The following GFI1B variants were observed in gnomAD, a reference collection of about 807,000 sequenced individuals.
GFI1B encodes the protein growth factor independent 1B transcriptional repressor, also known as zinc finger protein Gfi-1b.
GFI1B carries 20 observed loss-of-function variants against 35.3 expected under a neutral mutation model. The observed-to-expected ratio is 0.57, with a 90% confidence interval of 0.40 to 0.82. GFI1B has a LOEUF of 0.82. GFI1B is among the 40% of genes least tolerant of loss of function. GFI1B has a pLI of 0.00. For missense variants in GFI1B, 430 were observed against 446.3 expected, an observed-to-expected ratio of 0.96 and a Z score of 0.33; for synonymous variants, 178 against 177.6, an observed-to-expected ratio of 1.00 and a Z score of -0.02.
intron 1 of GFI1B, among the ~76,000 whole-genome samples, chr9:132,985,001 T>A (rs1224840685): frequency 6.6e-6 from 1 of 151,122 alleles, no homozygotes; most frequent in Non-Finnish European, 1.5e-5. Context: ...CTGAAGCAGC[T>A]GTGATCCCTC....
chr9:132,956,730 G>T (rs1025013789), intron 1 of GFI1B, among the ~76,000 whole-genome samples: 5 of 152,208 alleles, frequency 3.3e-5, no homozygotes, highest in African/African-American at 4.8e-5. Context: ...TAGAAACATA[G>T]AATTGGAACA....
chr9:132,982,784 G>A (rs1268309071), intron 1 of GFI1B, among the ~76,000 whole-genome samples: 2 of 152,140 alleles, frequency 1.3e-5, no homozygotes, highest in African/African-American at 4.8e-5. Flanking sequence ...AGAGGGCTTG[G>A]CCGTGGCGTT....
At chr9:132,983,459 T>C (rs773211011) in intron 1 of GFI1B, among the ~76,000 whole-genome samples, 1 of 152,170 alleles carries the variant, frequency 6.6e-6, no homozygotes, top group East Asian at 1.9e-4. Flanking sequence ...CCTCCCAAAA[T>C]GTTGGGATTA....
In GFI1B at chr9:132,987,394, C is replaced by A. The variant is rs1198382316; in HGVS notation, c.213C>A (p.Asn71Lys). The A allele has an allele frequency of 6.2e-7, 1 of 1,614,280 alleles. No homozygotes were observed. Among genetic ancestry groups the A allele is most frequent in the Non-Finnish European group, 8.5e-7 (1 of 1,180,046 alleles). ...KREPELEQDQ[N>K]LARMAPAPEG... is the part of the protein sequence containing the mutation. ...AGCCGGAGCTGGAGCAGGACCAGAA[C>A]TTGGCCAGGATGGCCCCGGCACCAG... is the stretch of plus-strand genomic sequence containing the variant. Residue 71 changes from asparagine (N) to lysine (K), a missense_variant, in exon 3 of 7, where the codon AAC becomes AAA. Physicochemically the swap from Asn to Lys is moderately conservative, Grantham distance 94 (BLOSUM62 0). Coordinates refer to ENST00000372122, the MANE Select transcript of GFI1B (RefSeq NM_001377304.1).
chr9:132,985,563 C>T (rs958104876), intron 1 of GFI1B, among the ~76,000 whole-genome samples: 2 of 152,176 alleles, frequency 1.3e-5, no homozygotes, highest in Admixed American at 1.3e-4. Flanking sequence ...AGACTCTGGG[C>T]CAGGGCTGTG....
chr9:132,949,218 A>C (rs1347817059), intron 1 of GFI1B, among the ~76,000 whole-genome samples: 2 of 151,434 alleles, frequency 1.3e-5, no homozygotes, highest in Non-Finnish European at 2.9e-5. Context: ...TTCTTAGAGA[A>C]TCTATCTTCA....
rs45526934 is a variant in GFI1B at position 132,978,745 on chromosome 9, C to A, written c.-117C>A. ...AAGTATCTATTTGTGCAAAGAGTCA[C>A]ACAGTTGACAGAGTGGAGGCCAGTC... On this transcript the variant is annotated 5_prime_UTR_variant, in exon 1 of 7. Transcript: ENST00000372122. 1,101 of 152,384 alleles carry A rather than the reference C, an allele frequency of 7.2e-3. 5 individuals carry two copies. The highest frequency in any genetic ancestry group is 0.012 in the Admixed American group (178 of 15,300). The allele number at this position is 152,384 out of a possible 1,614,324, so 9.4% of individuals were successfully genotyped here. A position where few individuals can be genotyped will look rare whatever the true frequency, so the allele number is the denominator to read the frequency against.
chr9:132,952,124 T>C (rs1256072454), intron 1 of GFI1B: 1 of 152,128 alleles, frequency 6.6e-6, no homozygotes, highest in Non-Finnish European at 1.5e-5. Context: ...TATTATTTTG[T>C]GTGTTTTTTT....
chr9:132,957,762 C>T (rs1320253422), intron 1 of GFI1B, among the ~76,000 whole-genome samples: 1 of 151,884 alleles, frequency 6.6e-6, no homozygotes, highest in Non-Finnish European at 1.5e-5. Context: ...AGCAGGAACA[C>T]GTGTAATAAT....
chr9:132,982,768 TG>T (rs1848873893), intron 1 of GFI1B, among the ~76,000 whole-genome samples: 1 of 151,658 alleles, frequency 6.6e-6, no homozygotes, highest in Non-Finnish European at 1.5e-5. Context: ...GGCCCCTCTG[TG>T]AGCCAGAGGG....
chr9:132,953,315 A>T (rs932971461), intron 1 of GFI1B: 2 of 152,340 alleles, frequency 1.3e-5, no homozygotes, highest in East Asian at 3.9e-4. Context: ...ATCTATATTC[A>T]GTGGCTACTA....
chr9:132,955,662 T>C (rs1848270612), intron 1 of GFI1B, among the ~76,000 whole-genome samples: 1 of 152,200 alleles, frequency 6.6e-6, no homozygotes, highest in Non-Finnish European at 1.5e-5. Flanking sequence ...AAATTTATGG[T>C]AATTCTTACC....
At chr9:132,990,048 C>A in intron 6 of GFI1B, 141 bp downstream of exon 6, 1 of 738,296 alleles carries the variant, frequency 1.4e-6, no homozygotes, top group South Asian at 1.6e-5. Context: ...GAGGGCTGGG[C>A]ACCTGTGCTA....
At chr9:132,979,918 T>C (rs928174256) in intron 1 of GFI1B, among the ~76,000 whole-genome samples, 2 of 152,160 alleles carry the variant, frequency 1.3e-5, no homozygotes, top group African/African-American at 4.8e-5. Flanking sequence ...GTCTGGTAGA[T>C]ATTAGAAGCC....
intron 6 of GFI1B, among the ~76,000 whole-genome samples, chr9:132,990,397 G>T (rs1384016015): frequency 2.0e-5 from 3 of 150,776 alleles, no homozygotes; most frequent in East Asian, 3.9e-4. Context: ...TCACTCATTT[G>T]CTCATTCATT....
intron 1 of GFI1B, among the ~76,000 whole-genome samples, chr9:132,984,669 AC>A (rs1022235470): frequency 1.2e-4 from 19 of 152,228 alleles, no homozygotes; most frequent in African/African-American, 4.6e-4. Context: ...CTCGCTCCCC[AC>A]CATCCCATGT....
At chr9:132,985,312 C>A (rs1849003481) in intron 1 of GFI1B, among the ~76,000 whole-genome samples, 1 of 152,184 alleles carries the variant, frequency 6.6e-6, no homozygotes, top group Admixed American at 6.5e-5. Context: ...CCCTGTCACT[C>A]CCTGACTCTG....
At chr9:132,960,986 C>T (rs538511219) in intron 1 of GFI1B, among the ~76,000 whole-genome samples, 1 of 152,250 alleles carries the variant, frequency 6.6e-6, no homozygotes, top group East Asian at 1.9e-4. Flanking sequence ...CAAGCAGCAG[C>T]ATTCACAGCT....
chr9:132,978,465 T>C (rs1338823446), upstream of GFI1B: 15 of 152,250 alleles, frequency 9.9e-5, no homozygotes, highest in Admixed American at 9.8e-4. Flanking sequence ...TTTGTGCAGA[T>C]GTTATTCAAA....
Sources: allele counts gnomAD v4.1 joint callset (sites outside exome capture counted in the v4.1 genomes callset), GRCh38; gene constraint gnomAD v4.1.1; transcripts MANE v1.5; gene names NCBI Gene and HGNC (gene_info 2026-07-23, HGNC 2026-07-21).